Variants in FAM193B observed in about 807,000 individuals in gnomAD.
FAM193B encodes the protein family with sequence similarity 193 member B.
In FAM193B, 27 loss-of-function variants were observed where a neutral mutation model predicts 70.7. That is an observed-to-expected ratio of 0.38 (90% CI 0.28 to 0.53). The LOEUF is 0.53. Among genes scored for constraint, FAM193B ranks in the 20% least tolerant of loss-of-function variants. FAM193B has a pLI of 0.81. For synonymous variants in FAM193B, 448 were observed against 436.0 expected, an observed-to-expected ratio of 1.03 and a Z score of -0.34; for missense variants, 1,022 against 1,072.5, an observed-to-expected ratio of 0.95 and a Z score of 0.66.
intron 1 of FAM193B, chr5:177,552,053 TTTC>T: frequency 1.0e-6 from 1 of 984,796 alleles, no homozygotes; most frequent in Non-Finnish European, 1.2e-6. Context: ...TAAAAGTCCT[TTTC>T]TTTTCTTTTG....
chr5:177,521,956 C>T lies in FAM193B; in HGVS notation c.*1+18G>A, dbSNP rs746840921. 7.5e-6 allele frequency: 12 copies of T among 1,604,636 alleles called. 1 individual carries two copies. In the South Asian group the frequency reaches 1.2e-4, roughly 16 times the overall value. ...GCACAGGGAGAGGCAGTGGATGTAA[C>T]TCTTGGGGTCTCTGTACCTCACTGA... On this transcript the variant is annotated intron_variant, in intron 8 of 8. Transcript: ENST00000514747.
intron 7 of FAM193B, chr5:177,523,414 G>A (rs183323125): frequency 5.1e-5 from 11 of 216,926 alleles, no homozygotes; most frequent in African/African-American, 1.6e-4. Context: ...ACTGTATGCC[G>A]TGTTTCTTTC....
At chr5:177,523,437 T>C in intron 7 of FAM193B, 2 of 232,780 alleles carry the variant, frequency 8.6e-6, no homozygotes, top group South Asian at 4.6e-5. Flanking sequence ...CCTAATCTTT[T>C]GTACTCACTG....
At chr5:177,522,812 T>G (rs1053880343) in intron 7 of FAM193B, 3 of 152,742 alleles carry the variant, frequency 2.0e-5, no homozygotes, top group African/African-American at 7.2e-5. Context: ...ACTCCCAGGT[T>G]CAAGCGATTC....
chr5:177,536,468 C>T lies in FAM193B; in HGVS notation c.966G>A (p.Met322Ile). ...GGCTGCACCCCGAGAATGGTGGGGG[C>T]ATCTTCAGGAGCGGCATGCTGGTGG... ...LPSTSMPLLKMPPPFSGCSHP... is the reference protein window; with the variant it reads ...LPSTSMPLLKIPPPFSGCSHP... Residue 322 changes from methionine (M) to isoleucine (I), a missense_variant, in exon 4 of 9, where the codon ATG becomes ATA. Physicochemically the swap from Met to Ile is conservative, Grantham distance 10. Transcript: ENST00000514747. 1 of 1,584,794 alleles carries T rather than the reference C, an allele frequency of 6.3e-7. No homozygotes were observed.
In FAM193B at chr5:177,539,140, G is replaced by A. The variant is rs1183182464; in HGVS notation, c.218C>T (p.Pro73Leu). The change falls in exon 2 of 9, where the codon CCC (proline) becomes CTC (leucine). Residue 73 changes from proline to leucine, a missense_variant. Physicochemically the swap from Pro to Leu is moderately conservative, Grantham distance 98. Coordinates refer to ENST00000514747, the MANE Select transcript of FAM193B (RefSeq NM_001190946.3). ...PNLVPGPQVP[P>L]ASSQPVQTCC... is the part of the protein sequence containing the mutation. ...AGTCTGCACAGGCTGGCTGGAGGCG[G>A]GGGGGACCTGTCCAACAGACAGAAA... is the stretch of plus-strand genomic sequence containing the variant. 1.8e-5 allele frequency: 28 copies of A among 1,565,916 alleles called. No homozygotes were observed. The highest frequency in any genetic ancestry group is 5.7e-5 in the Admixed American group (3 of 52,904).
rs778517106 is a variant in FAM193B, at chr5:177,539,094, C to G, written c.264G>C (p.Arg88=). 4 of 1,609,488 alleles carry G rather than the reference C, an allele frequency of 2.5e-6. No homozygotes were observed. Among genetic ancestry groups the G allele is most frequent in the Admixed American group, 3.4e-5 (2 of 59,234 alleles). The change falls in exon 2 of 9, where the codon CGG becomes CGC. Residue 88 remains arginine, a synonymous_variant. Transcript: ENST00000514747. ...GGCCTTCTTCCCAGCCTTTGCGTTC[C>G]CGGTGACACAGCAGGCAGCAAGTCT... ...PVQTCCLLCH[R]ERKGWEEGPS...
chr5:177,547,282 A>ATTTATTTTTTT (rs142591142), intron 1 of FAM193B: 2 of 24,684 alleles, frequency 8.1e-5, no homozygotes, highest in Non-Finnish European at 1.7e-4. Context: ...AACCAAATTT[A>ATTTATTTTTTT]TTTCTTTTTT....
chr5:177,536,404 G>T lies in FAM193B; in HGVS notation c.1030C>A (p.Pro344Thr). The T allele has an allele frequency of 6.2e-7, 1 of 1,608,736 alleles. No individual in the cohort carries two copies. The change falls in exon 4 of 9, where the codon CCT (proline) becomes ACT (threonine). Residue 344 changes from proline to threonine, a missense_variant. Coordinates refer to ENST00000514747, the MANE Select transcript of FAM193B (RefSeq NM_001190946.3). ...TGAGAGCTCGGGGGTGGGAGGAGAGGCCCACTGCAGTGCCCACCACAGTGC... is the reference window on the plus strand; with the variant it reads ...TGAGAGCTCGGGGGTGGGAGGAGAGTCCCACTGCAGTGCCCACCACAGTGC... ...SGHCGGHCSG[P>T]LLPPPSSQPL...
chr5:177,544,648 T>C (rs1467564386), intron 1 of FAM193B, among the ~76,000 whole-genome samples: 2 of 152,244 alleles, frequency 1.3e-5, no homozygotes, highest in Non-Finnish European at 2.9e-5. Flanking sequence ...ACTTTTCTGA[T>C]GAAATTGGTG....
At chr5:177,551,304 A>G (rs1050158544) in intron 1 of FAM193B, among the ~76,000 whole-genome samples, 5 of 151,934 alleles carry the variant, frequency 3.3e-5, no homozygotes, top group Admixed American at 6.5e-5. Context: ...TCCTTTGCTA[A>G]TAAGGTAGTA....
intron 1 of FAM193B, chr5:177,547,128 A>C (rs1284046777): frequency 1.3e-5 from 2 of 152,192 alleles, no homozygotes; most frequent in Non-Finnish European, 2.9e-5. Context: ...CATATTTTAC[A>C]GAGTTGTGAG....
At chr5:177,534,068 C>G (rs1019407239) in intron 4 of FAM193B, among the ~76,000 whole-genome samples, 7 of 152,212 alleles carry the variant, frequency 4.6e-5, no homozygotes, top group African/African-American at 1.7e-4. Context: ...CAACGCTGGG[C>G]TGAGGCTGAG....
intron 1 of FAM193B, among the ~76,000 whole-genome samples, chr5:177,552,787 T>C (rs1370479928): frequency 6.6e-6 from 1 of 152,198 alleles, no homozygotes; most frequent in African/African-American, 2.4e-5. Context: ...TGACACTCAG[T>C]AAGTGCTGAC....
At chr5:177,530,528 G>A (rs1763289691) in intron 5 of FAM193B, among the ~76,000 whole-genome samples, 1 of 152,108 alleles carries the variant, frequency 6.6e-6, no homozygotes, top group Admixed American at 6.5e-5. Context: ...TCTCTCCCTT[G>A]GCCTGCGTTT....
chr5:177,531,536 G>GGGGGGGT, intron 5 of FAM193B: 20 of 1,046,924 alleles, frequency 1.9e-5, no homozygotes, highest in Non-Finnish European at 2.4e-5. Flanking sequence ...GGGTGGGGGG[G>GGGGGGGT]AGGTGCTGAC....
chr5:177,554,530 G>T lies in FAM193B; in HGVS notation c.-72C>A, dbSNP rs548967721. On this transcript the variant is annotated 5_prime_UTR_variant, in exon 1 of 9. Coordinates refer to ENST00000514747, the MANE Select transcript of FAM193B (RefSeq NM_001190946.3). ...CGCCGCCGCCGCCGCCGCCGCCGCC[G>T]CTACCGCTCCCCTCACAGGACAACA... The T allele has an allele frequency of 1.6e-4, 147 of 900,292 alleles. 2 individuals are homozygous for T. The highest frequency in any genetic ancestry group is 1.8e-4 in the Non-Finnish European group (134 of 749,092). The allele number at this position is 900,292 out of a possible 1,614,324, so 55.8% of individuals were successfully genotyped here. A position where few individuals can be genotyped will look rare whatever the true frequency, so the allele number is the denominator to read the frequency against.
In FAM193B at chr5:177,538,157, G is replaced by A. The variant is rs1764409198; in HGVS notation, c.454-50C>T. 1 of 1,485,688 alleles carries A rather than the reference G, an allele frequency of 6.7e-7. No individual in the cohort carries two copies. 92.0% of individuals were successfully genotyped at this position (1,485,688 alleles called of 1,614,324 possible). A position where few individuals can be genotyped will look rare whatever the true frequency, so the allele number is the denominator to read the frequency against. ...TCACGGTCAAACAGCAAACATCGGA[G>A]CTGACCCTCTGCTGCCTCAGCTTTT... On this transcript the variant is annotated intron_variant, in intron 2 of 8. Coordinates refer to ENST00000514747, the MANE Select transcript of FAM193B (RefSeq NM_001190946.3). This position sits in a 1 kb window ranked among gnomAD's most constrained non-coding sequence, Gnocchi z 4.1.
chr5:177,541,258 C>A (rs564744632), intron 1 of FAM193B, among the ~76,000 whole-genome samples: 87 of 152,234 alleles, frequency 5.7e-4, no homozygotes, highest in Non-Finnish European at 1.0e-3. Flanking sequence ...CTACGAAGTG[C>A]CACAGTAACT....
Sources: allele counts gnomAD v4.1 joint callset (sites outside exome capture counted in the v4.1 genomes callset), GRCh38; gene constraint gnomAD v4.1.1; non-coding constraint Gnocchi (gnomAD v3.1); transcripts MANE v1.5; gene names NCBI Gene and HGNC (gene_info 2026-07-23, HGNC 2026-07-21).